Variants in PLXDC2 observed in about 807,000 individuals in gnomAD.
The protein encoded by PLXDC2 is plexin domain containing 2, also known as plexin domain-containing protein 2.
PLXDC2 carries 40 observed loss-of-function variants against 68.9 expected under a neutral mutation model. The ratio of observed to expected loss-of-function variants is 0.58; its 90% CI spans 0.45 to 0.76. PLXDC2 has a LOEUF of 0.76. PLXDC2 is among the 30% of genes least tolerant of loss of function. PLXDC2 has a pLI of 0.00. For missense variants in PLXDC2, 644 were observed against 661.9 expected, an observed-to-expected ratio of 0.97 and a Z score of 0.30; for synonymous variants, 243 against 234.2, an observed-to-expected ratio of 1.04 and a Z score of -0.34.
intron 2 of PLXDC2, among the ~76,000 whole-genome samples, chr10:20,018,001 A>T (rs1217035261): frequency 6.6e-6 from 1 of 152,260 alleles, no homozygotes; most frequent in Non-Finnish European, 1.5e-5. Flanking sequence ...GATTAGGGGC[A>T]TGTAGGAACC....
At chr10:20,240,781 C>T (rs1464398079) in intron 12 of PLXDC2, among the ~76,000 whole-genome samples, 2 of 149,174 alleles carry the variant, frequency 1.3e-5, no homozygotes, top group African/African-American at 5.0e-5. Flanking sequence ...ACTATGTGTG[C>T]AATTTTGGTC....
intron 4 of PLXDC2, among the ~76,000 whole-genome samples, chr10:20,074,687 G>A (rs1173901357): frequency 6.6e-6 from 1 of 151,842 alleles, no homozygotes; most frequent in Non-Finnish European, 1.5e-5. Flanking sequence ...CTCTTTATAG[G>A]GACTTGATTA....
intron 9 of PLXDC2, among the ~76,000 whole-genome samples, chr10:20,210,673 T>C (rs903804509): frequency 1.3e-5 from 2 of 152,304 alleles, no homozygotes; most frequent in East Asian, 3.9e-4. Flanking sequence ...AAAGCTGTTA[T>C]ACTCAAGGTT....
chr10:20,187,703 T>C (rs77069839), intron 9 of PLXDC2, among the ~76,000 whole-genome samples: 3,981 of 151,958 alleles, frequency 0.026, 65 homozygotes, highest in Non-Finnish European at 0.032. Flanking sequence ...ATTAGGATGT[T>C]CCTATTAAGA....
intron 1 of PLXDC2, among the ~76,000 whole-genome samples, chr10:19,832,771 G>A (rs1836719369): frequency 6.6e-6 from 1 of 152,216 alleles, no homozygotes; most frequent in African/African-American, 2.4e-5. Context: ...GGTTGCACAA[G>A]GGAGCCGGGG....
chr10:19,842,937 A>G (rs1193345287), intron 1 of PLXDC2, among the ~76,000 whole-genome samples: 4 of 152,228 alleles, frequency 2.6e-5, no homozygotes, highest in Non-Finnish European at 5.9e-5. Context: ...AAAGCAGTGC[A>G]CAGCTAAATG....
At chr10:20,014,066 T>C (rs893538811) in intron 2 of PLXDC2, among the ~76,000 whole-genome samples, 2 of 152,246 alleles carry the variant, frequency 1.3e-5, no homozygotes, top group Non-Finnish European at 2.9e-5. Context: ...AACACACTTT[T>C]TAGAGAAATC....
chr10:20,105,048 CAAAA>C lies in PLXDC2; in HGVS notation c.541+36829_541+36832del, dbSNP rs11289832. Reference sequence around the variant, plus strand: ...CCTGGCGACAGAGCTAGACTCCATCCAAAAAAAAAAAAAAAAAAAAAAAGAGCTT... The same window carrying C: ...CCTGGCGACAGAGCTAGACTCCATCCAAAAAAAAAAAAAAAAAAAGAGCTT... On this transcript the variant is annotated intron_variant, in intron 4 of 13. Transcript: ENST00000377252. Among the ~76,000 whole-genome samples the C allele has an allele frequency of 2.5e-3, 245 of 97,264 alleles. 1 individual carries two copies. The highest frequency in any genetic ancestry group is 6.9e-3 in the African/African-American group (161 of 23,326). The allele number at this position is 97,264 out of a possible 152,430, so 63.8% of individuals were successfully genotyped here. A position where few individuals can be genotyped will look rare whatever the true frequency, so the allele number is the denominator to read the frequency against.
intron 1 of PLXDC2, among the ~76,000 whole-genome samples, chr10:19,939,859 T>C (rs1833788208): frequency 6.7e-6 from 1 of 149,708 alleles, no homozygotes; most frequent in African/African-American, 2.6e-5. Context: ...AATAGGGATG[T>C]TTTTGAATTA....
intron 1 of PLXDC2, among the ~76,000 whole-genome samples, chr10:19,991,658 T>A (rs1460285544): frequency 6.6e-6 from 1 of 152,162 alleles, no homozygotes; most frequent in East Asian, 1.9e-4. Flanking sequence ...CCATTATGGA[T>A]TCCAACCCCA....
In PLXDC2 at chr10:20,022,098, T is replaced by C. The variant is rs139047230; in HGVS notation, c.324+20112T>C. 4.0e-3 allele frequency among the ~76,000 whole-genome samples: 608 copies of C among 152,366 alleles called. 6 individuals are homozygous for C. The highest frequency in any genetic ancestry group is 0.014 in the African/African-American group (578 of 41,594). On this transcript the variant is annotated intron_variant, in intron 2 of 13. Transcript: ENST00000377252. ...TATTGTAGCAGCAGACTAGCAATGA[T>C]ACCTCATTTACTCTCGGATTCTCCT...
intron 13 of PLXDC2, among the ~76,000 whole-genome samples, chr10:20,255,191 G>GGATAGATAGATAGATA (rs199581943): frequency 6.2e-5 from 6 of 96,732 alleles, no homozygotes; most frequent in South Asian, 3.5e-4. Flanking sequence ...ATAGGTGGAT[G>GGATAGATAGATAGATA]GATAGATAGA....
intron 1 of PLXDC2, among the ~76,000 whole-genome samples, chr10:19,977,272 G>A (rs1489646060): frequency 6.6e-6 from 1 of 152,178 alleles, no homozygotes; most frequent in Non-Finnish European, 1.5e-5. Flanking sequence ...TATGGACTCT[G>A]ACCAACAGTA....
intron 1 of PLXDC2, among the ~76,000 whole-genome samples, chr10:19,973,281 C>T (rs1834386422): frequency 1.0e-5 from 1 of 96,548 alleles, no homozygotes; most frequent in Non-Finnish European, 2.2e-5. Context: ...TATATGTATA[C>T]ACATACATAT....
intron 12 of PLXDC2, among the ~76,000 whole-genome samples, chr10:20,222,095 A>G (rs1835219938): frequency 1.3e-5 from 2 of 152,128 alleles, no homozygotes; most frequent in Admixed American, 6.5e-5. Context: ...AAGCATTTTT[A>G]TTTAGGGGCC....
chr10:19,971,453 C>T (rs67014193), intron 1 of PLXDC2, among the ~76,000 whole-genome samples: 28,190 of 151,914 alleles, frequency 0.19, 2,766 homozygotes, highest in South Asian at 0.26. Context: ...GTTGTTATAC[C>T]GGAAATCAGA....
intron 1 of PLXDC2, among the ~76,000 whole-genome samples, chr10:19,965,356 AT>A (rs1329591142): frequency 3.3e-5 from 5 of 152,200 alleles, no homozygotes; most frequent in African/African-American, 4.8e-5. Flanking sequence ...AATAATTGCC[AT>A]GGACTATTGG....
At chr10:20,166,038 T>C (rs1834370129) in intron 7 of PLXDC2, among the ~76,000 whole-genome samples, 1 of 152,192 alleles carries the variant, frequency 6.6e-6, no homozygotes, top group Admixed American at 6.5e-5. Flanking sequence ...TTTTCTCTTT[T>C]GTTCAAAGTT....
chr10:19,988,203 C>G (rs899193175), intron 1 of PLXDC2, among the ~76,000 whole-genome samples: 6 of 152,162 alleles, frequency 3.9e-5, no homozygotes, highest in Non-Finnish European at 4.4e-5. Flanking sequence ...GCAAGCCTAA[C>G]TGATAACTAA....
Sources: allele counts gnomAD v4.1 joint callset (sites outside exome capture counted in the v4.1 genomes callset), GRCh38; gene constraint gnomAD v4.1.1; transcripts MANE v1.5; gene names NCBI Gene and HGNC (gene_info 2026-07-23, HGNC 2026-07-21).